Variants in ESR2 observed in about 807,000 individuals in gnomAD.
The protein encoded by ESR2 is estrogen receptor 2.
In ESR2, 36 loss-of-function variants were observed where a neutral mutation model predicts 49.6. The ratio of observed to expected loss-of-function variants is 0.73; its 90% CI spans 0.56 to 0.96. The LOEUF (loss-of-function observed/expected upper bound fraction) is 0.96, where lower values mean the gene tolerates loss of function less well. ESR2 is among the 40% of genes least tolerant of loss of function. The probability of loss-of-function intolerance (pLI) is 0.00; values close to 1 mark genes in which losing one functional copy is unlikely to be tolerated. For missense variants in ESR2, 714 were observed against 693.0 expected, an observed-to-expected ratio of 1.03 and a Z score of -0.34; for synonymous variants, 320 against 266.1, an observed-to-expected ratio of 1.20 and a Z score of -1.97.
chr14:64,241,240 T>G (rs1276683431), intron 7 of ESR2, among the ~76,000 whole-genome samples: 1 of 152,126 alleles, frequency 6.6e-6, no homozygotes, highest in Non-Finnish European at 1.5e-5. Flanking sequence ...TAGCAATATT[T>G]TCAACTTAAG....
At chr14:64,327,597 G>A (rs2077405835) in intron 1 of ESR2, among the ~76,000 whole-genome samples, 1 of 152,220 alleles carries the variant, frequency 6.6e-6, no homozygotes, top group Non-Finnish European at 1.5e-5. Flanking sequence ...TCGGGAGACT[G>A]AGGCAGGAGA....
intron 6 of ESR2, among the ~76,000 whole-genome samples, chr14:64,252,144 T>C (rs1020223179): frequency 5.9e-5 from 9 of 152,038 alleles, no homozygotes; most frequent in African/African-American, 2.2e-4. Flanking sequence ...TAGCAAGACC[T>C]TGTCTCTACA....
chr14:64,265,923 G>A (rs950447096), intron 4 of ESR2, among the ~76,000 whole-genome samples: 3 of 152,166 alleles, frequency 2.0e-5, no homozygotes, highest in African/African-American at 4.8e-5. Flanking sequence ...AGGGTTTTGG[G>A]GAAGGCAGAT....
chr14:64,288,830 T>C (rs1015303516), intron 1 of ESR2, among the ~76,000 whole-genome samples: 12 of 150,736 alleles, frequency 8.0e-5, no homozygotes, highest in Non-Finnish European at 5.9e-5. Flanking sequence ...CTACTAAAAA[T>C]ACAAAATTAG....
chr14:64,305,070 C>T (rs1339895360), intron 1 of ESR2, among the ~76,000 whole-genome samples: 7 of 151,668 alleles, frequency 4.6e-5, no homozygotes, highest in Admixed American at 3.9e-4. Flanking sequence ...GTGGGTGGAT[C>T]ACAAGGTCAG....
At chr14:64,255,477 C>T (rs2076080636) in intron 6 of ESR2, among the ~76,000 whole-genome samples, 1 of 152,106 alleles carries the variant, frequency 6.6e-6, no homozygotes. Flanking sequence ...ACCAAAACAT[C>T]TCTGTTCTGC....
intron 1 of ESR2, among the ~76,000 whole-genome samples, chr14:64,303,870 G>C (rs1365411947): frequency 6.6e-6 from 1 of 152,162 alleles, no homozygotes; most frequent in Non-Finnish European, 1.5e-5. Flanking sequence ...TATATACTGA[G>C]AAAGACTGCC....
chr14:64,291,819 A>G (rs2076875155), intron 1 of ESR2, among the ~76,000 whole-genome samples: 1 of 152,178 alleles, frequency 6.6e-6, no homozygotes, highest in Non-Finnish European at 1.5e-5. Flanking sequence ...GTCATTTTCA[A>G]TCCCTGTTTT....
chr14:64,254,883 CTCT>C (rs2076067358), intron 6 of ESR2, among the ~76,000 whole-genome samples: 1 of 150,814 alleles, frequency 6.6e-6, no homozygotes, highest in African/African-American at 2.4e-5. Context: ...CCAAGAATTC[CTCT>C]TCTATACTCA....
chr14:64,312,636 A>G (rs1231050606), intron 1 of ESR2, among the ~76,000 whole-genome samples: 1 of 152,224 alleles, frequency 6.6e-6, no homozygotes, highest in Non-Finnish European at 1.5e-5. Context: ...GGGAGAGTTT[A>G]TCAGAGGCTT....
At chr14:64,271,554 G>A (rs868197338) in intron 3 of ESR2, among the ~76,000 whole-genome samples, 2 of 152,322 alleles carry the variant, frequency 1.3e-5, no homozygotes, top group Middle Eastern at 6.8e-3. Context: ...TCGAACTCCT[G>A]AGCTCAGGCA....
intron 1 of ESR2, among the ~76,000 whole-genome samples, chr14:64,310,252 G>A (rs1049194402): frequency 5.4e-5 from 8 of 148,990 alleles, no homozygotes; most frequent in Admixed American, 1.3e-4. Flanking sequence ...CAGCCTGGGC[G>A]ACAAAGTGAG....
At chr14:64,295,380 A>G (rs574168371), upstream of ESR2, among the ~76,000 whole-genome samples, 2 of 152,298 alleles carry the variant, frequency 1.3e-5, no homozygotes, top group East Asian at 3.9e-4. Flanking sequence ...AAATAGAGAG[A>G]CGCAAGTGTG....
chr14:64,284,958 T>C (rs1383924399), intron 1 of ESR2, among the ~76,000 whole-genome samples: 1 of 152,070 alleles, frequency 6.6e-6, no homozygotes, highest in Non-Finnish European at 1.5e-5. Context: ...CAAGCGATTC[T>C]TCTGCCTCAG....
At chr14:64,268,330 G>T (rs545423720) in intron 4 of ESR2, among the ~76,000 whole-genome samples, 1 of 152,114 alleles carries the variant, frequency 6.6e-6, no homozygotes, top group Non-Finnish European at 1.5e-5. Context: ...AAAGCTAGAC[G>T]AGGGGATAGG....
chr14:64,260,193 T>A, intron 5 of ESR2: 1 of 724,722 alleles, frequency 1.4e-6, no homozygotes, highest in Non-Finnish European at 2.5e-6. Context: ...CACGCACAAC[T>A]CTTTCTGCAC....
chr14:64,227,003 C>T (rs758694599), downstream of ESR2: 2 of 153,618 alleles, frequency 1.3e-5, no homozygotes, highest in Non-Finnish European at 2.9e-5. Flanking sequence ...CCAGCCCTCT[C>T]CATGGCAAAT....
At chr14:64,263,619 AGCCTGGGTGACAGAG>A (rs2076265290) in intron 4 of ESR2, among the ~76,000 whole-genome samples, 1 of 152,206 alleles carries the variant, frequency 6.6e-6, no homozygotes, top group Non-Finnish European at 1.5e-5. Context: ...CATGCACTCC[AGCCTGGGTGACAGAG>A]CAAGACTTGG....
chr14:64,318,537 C>CAAAAAAAAAAAAAA (rs58597271), intron 1 of ESR2, among the ~76,000 whole-genome samples: 33 of 32,428 alleles, frequency 1.0e-3, no homozygotes, highest in African/African-American at 2.4e-3. Context: ...AACTCCATCT[C>CAAAAAAAAAAAAAA]AAAAAAAAAA....
Sources: allele counts gnomAD v4.1 joint callset (sites outside exome capture counted in the v4.1 genomes callset), GRCh38; gene constraint gnomAD v4.1.1; transcripts MANE v1.5; gene names NCBI Gene and HGNC (gene_info 2026-07-23, HGNC 2026-07-21).